Variants in DOK5 observed in about 807,000 individuals in gnomAD.
DOK5 encodes the protein downstream of tyrosine kinase 5.
A neutral mutation model predicts 43.3 loss-of-function variants in DOK5; 27 were observed. The ratio of observed to expected loss-of-function variants is 0.62; its 90% CI spans 0.46 to 0.86. The LOEUF is 0.86. DOK5 is among the 40% of genes least tolerant of loss of function. The pLI is 0.00. For synonymous variants in DOK5, 146 were observed against 140.1 expected, an observed-to-expected ratio of 1.04 and a Z score of -0.30; for missense variants, 373 against 392.9, an observed-to-expected ratio of 0.95 and a Z score of 0.43.
At chr20:54,624,231 C>T (rs6023425) in intron 6 of DOK5, among the ~76,000 whole-genome samples, 1 of 152,218 alleles carries the variant, frequency 6.6e-6, no homozygotes, top group South Asian at 2.1e-4. Context: ...CAGCCCACCC[C>T]TTCACCCTGG....
intron 2 of DOK5, among the ~76,000 whole-genome samples, chr20:54,568,592 C>T (rs1317114355): frequency 6.6e-6 from 1 of 152,092 alleles, no homozygotes; most frequent in East Asian, 1.9e-4. Context: ...CTTTACACTT[C>T]TTATTTTTTA....
chr20:54,534,567 A>T (rs1397331701), intron 1 of DOK5, among the ~76,000 whole-genome samples: 1 of 152,238 alleles, frequency 6.6e-6, no homozygotes, highest in Non-Finnish European at 1.5e-5. Context: ...TTTAATTTGT[A>T]TAAACTGGAC....
At chr20:54,640,103 C>T (rs900057442) in intron 6 of DOK5, among the ~76,000 whole-genome samples, 2 of 152,040 alleles carry the variant, frequency 1.3e-5, no homozygotes, top group Non-Finnish European at 2.9e-5. Flanking sequence ...GTGAAGCCAA[C>T]AGGCAGTTTT....
chr20:54,581,750 T>C (rs1165259509), intron 2 of DOK5, among the ~76,000 whole-genome samples: 1 of 152,036 alleles, frequency 6.6e-6, no homozygotes, highest in African/African-American at 2.4e-5. Flanking sequence ...CGTGCCATTT[T>C]ACTGAATTTG....
chr20:54,580,825 G>A (rs1985615340), intron 2 of DOK5, among the ~76,000 whole-genome samples: 3 of 151,940 alleles, frequency 2.0e-5, no homozygotes, highest in Non-Finnish European at 2.9e-5. Flanking sequence ...CATGCTATAG[G>A]TTGCCTTTTC....
rs767058505 is a variant in DOK5 at position 54,554,961 on chromosome 20, A to G, written c.95A>G (p.Lys32Arg). 1 of 1,613,750 alleles carries G rather than the reference A, an allele frequency of 6.2e-7. No individual in the cohort carries two copies. The highest frequency in any genetic ancestry group is 1.3e-5 in the African/African-American group (1 of 75,058). The change falls in exon 2 of 8, where the codon AAG becomes AGG. Residue 32 changes from lysine (K) to arginine (R), a missense_variant. Lys to Arg is a conservative substitution (Grantham distance 26). Coordinates refer to ENST00000262593, the MANE Select transcript of DOK5 (RefSeq NM_018431.5). Reference protein sequence around the residue: ...GIYQRCWLVFKKASSKGPKRL... With the variant: ...GIYQRCWLVFRKASSKGPKRL... ...TATCAGCGATGCTGGTTAGTATTCA[A>G]GAAAGCTTCAAGCAAAGGTCCAAAA...
intron 6 of DOK5, among the ~76,000 whole-genome samples, chr20:54,623,228 C>T (rs564285178): frequency 1.3e-5 from 2 of 152,288 alleles, no homozygotes; most frequent in East Asian, 3.9e-4. Context: ...GCCAGGAGTG[C>T]TGTAAGTTCC....
chr20:54,575,640 C>T (rs1180375484), intron 2 of DOK5, among the ~76,000 whole-genome samples: 1 of 152,160 alleles, frequency 6.6e-6, no homozygotes, highest in African/African-American at 2.4e-5. Context: ...GGGGTTTCAC[C>T]ATGTTGGCCA....
intron 2 of DOK5, among the ~76,000 whole-genome samples, chr20:54,557,910 G>A (rs967635349): frequency 6.6e-6 from 1 of 152,082 alleles, no homozygotes; most frequent in Non-Finnish European, 1.5e-5. Context: ...CCTCTTCCCC[G>A]CATAAAATAC....
chr20:54,503,861 A>G (rs1231402260), intron 1 of DOK5, among the ~76,000 whole-genome samples: 1 of 152,242 alleles, frequency 6.6e-6, no homozygotes, highest in Middle Eastern at 3.2e-3. Flanking sequence ...ACTGCAGCCT[A>G]TGAAGATGGG....
At chr20:54,526,989 G>T (rs1983599244) in intron 1 of DOK5, among the ~76,000 whole-genome samples, 1 of 152,096 alleles carries the variant, frequency 6.6e-6, no homozygotes, top group Non-Finnish European at 1.5e-5. Context: ...TAATTTTACT[G>T]GGAAGTGGTT....
intron 1 of DOK5, among the ~76,000 whole-genome samples, chr20:54,481,216 C>T (rs1981706929): frequency 6.6e-6 from 1 of 151,892 alleles, no homozygotes. Flanking sequence ...TTTTTCCAGG[C>T]TGGAGTGTAG....
chr20:54,554,421 G>C (rs1389350086), intron 1 of DOK5, among the ~76,000 whole-genome samples: 1 of 152,160 alleles, frequency 6.6e-6, no homozygotes, highest in African/African-American at 2.4e-5. Flanking sequence ...TCCTAAGCAA[G>C]AATCTGGTTG....
intron 1 of DOK5, among the ~76,000 whole-genome samples, chr20:54,480,529 A>G (rs1981627292): frequency 6.6e-6 from 1 of 152,138 alleles, no homozygotes; most frequent in Admixed American, 6.5e-5. Flanking sequence ...ATAACCATAA[A>G]AATGGGCAAC....
intron 1 of DOK5, among the ~76,000 whole-genome samples, chr20:54,533,335 C>T (rs1983845183): frequency 6.6e-6 from 1 of 152,158 alleles, no homozygotes; most frequent in Admixed American, 6.5e-5. Context: ...TTGCTGTAAG[C>T]ATAAAGGAAT....
At chr20:54,538,744 T>C (rs6014047) in intron 1 of DOK5, among the ~76,000 whole-genome samples, 2,627 of 152,310 alleles carry the variant, frequency 0.017, 83 homozygotes, top group African/African-American at 0.06. Context: ...TAATGACTTA[T>C]GGTCACACAA....
intron 2 of DOK5, among the ~76,000 whole-genome samples, chr20:54,579,040 AG>A (rs1985546586): frequency 6.6e-6 from 1 of 152,198 alleles, no homozygotes; most frequent in African/African-American, 2.4e-5. Context: ...AATTATATGA[AG>A]AAAAGTCAAT....
At chr20:54,599,777 G>T (rs550034689) in intron 5 of DOK5, among the ~76,000 whole-genome samples, 3 of 152,138 alleles carry the variant, frequency 2.0e-5, no homozygotes, top group Non-Finnish European at 2.9e-5. Context: ...TCTAGAAAGG[G>T]CTAGTAAAAA....
At chr20:54,504,834 G>GA (rs1174845369) in intron 1 of DOK5, among the ~76,000 whole-genome samples, 1 of 152,120 alleles carries the variant, frequency 6.6e-6, no homozygotes, top group African/African-American at 2.4e-5. Context: ...TGGTAGGTGA[G>GA]AAAAAAGCAT....
Sources: allele counts gnomAD v4.1 joint callset (sites outside exome capture counted in the v4.1 genomes callset), GRCh38; gene constraint gnomAD v4.1.1; transcripts MANE v1.5; gene names NCBI Gene and HGNC (gene_info 2026-07-23, HGNC 2026-07-21).